The following ITPR2 variants were observed in gnomAD, a reference collection of about 807,000 sequenced individuals.
ITPR2 encodes the protein inositol 1,4,5-trisphosphate receptor type 2.
ITPR2 carries 207 observed loss-of-function variants against 317.1 expected under a neutral mutation model. The observed-to-expected ratio is 0.65, with a 90% CI of 0.58 to 0.73. ITPR2 has a LOEUF of 0.73. Among genes scored for constraint, ITPR2 ranks in the 30% least tolerant of loss-of-function variants. The pLI is 0.00. For synonymous variants in ITPR2, 1,156 were observed against 1,149.1 expected (o/e 1.01, Z -0.12); for missense variants, 2,613 against 3,284.0 (o/e 0.80, Z 4.99).
intron 55 of ITPR2, among the ~76,000 whole-genome samples, chr12:26,343,266 T>C (rs1938195865): frequency 6.6e-6 from 1 of 152,228 alleles, no homozygotes; most frequent in Non-Finnish European, 1.5e-5. Context: ...CAAAGTCTGT[T>C]GGCAAGACAG....
chr12:26,679,014 A>G (rs920207937), intron 13 of ITPR2, among the ~76,000 whole-genome samples: 1 of 152,260 alleles, frequency 6.6e-6, no homozygotes, highest in East Asian at 1.9e-4. Flanking sequence ...TTAGAAACAA[A>G]GAAATAGATT....
At chr12:26,605,094 AAAAAAAATAAAAATAAAAAAT>A (rs1303264984) in intron 26 of ITPR2, among the ~76,000 whole-genome samples, 2 of 108,598 alleles carry the variant, frequency 1.8e-5, no homozygotes, top group South Asian at 2.8e-4. Context: ...TCTCAAAAAA[AAAAAAAATAAAAATAAAAAAT>A]AAAAAATAAA....
chr12:26,786,329 G>T (rs1379324788), intron 2 of ITPR2, among the ~76,000 whole-genome samples: 3 of 124,630 alleles, frequency 2.4e-5, no homozygotes, highest in African/African-American at 9.3e-5. Context: ...AGGCCGCAGG[G>T]TCCTCTGCCT....
At chr12:26,497,239 C>G (rs1043873262) in intron 37 of ITPR2, among the ~76,000 whole-genome samples, 1 of 150,648 alleles carries the variant, frequency 6.6e-6, no homozygotes, top group Non-Finnish European at 1.5e-5. Flanking sequence ...CTGCAAGCTC[C>G]GCCTCCTGGG....
intron 1 of ITPR2, among the ~76,000 whole-genome samples, chr12:26,814,246 G>C (rs1166805642): frequency 6.6e-6 from 1 of 152,116 alleles, no homozygotes; most frequent in South Asian, 2.1e-4. Flanking sequence ...AGGAACCCAG[G>C]AGATTATGCC....
At chr12:26,731,073 T>C (rs920593022) in intron 2 of ITPR2, among the ~76,000 whole-genome samples, 24 of 152,144 alleles carry the variant, frequency 1.6e-4, no homozygotes, top group Non-Finnish European at 3.5e-4. Context: ...GGCTATCATA[T>C]GTAAAGTTCA....
chr12:26,490,440 G>A (rs1473084575), intron 39 of ITPR2, among the ~76,000 whole-genome samples: 1 of 152,204 alleles, frequency 6.6e-6, no homozygotes, highest in Non-Finnish European at 1.5e-5. Flanking sequence ...GTACAAAGAT[G>A]AATAAAACGT....
rs184150846 is a variant in ITPR2 at position 26,377,461 on chromosome 12, T to A, written c.7857+9973A>T. The stretch of plus-strand genomic sequence containing the variant: ...TCCTGCATTTTCAAGGCATTTTAGA[T>A]CACACCTCCACGAATGCAGCTTAGA... On this transcript the variant is annotated intron_variant, in intron 55 of 56. Coordinates refer to ENST00000381340, the MANE Select transcript of ITPR2 (RefSeq NM_002223.4). Among the ~76,000 whole-genome samples the A allele has an allele frequency of 1.2e-4, 18 of 152,322 alleles. No homozygotes were observed. The East Asian group carries it at 2.1e-3, about 18-fold the overall frequency.
intron 32 of ITPR2, among the ~76,000 whole-genome samples, chr12:26,595,050 G>A (rs1195363757): frequency 6.6e-6 from 1 of 152,166 alleles, no homozygotes; most frequent in Non-Finnish European, 1.5e-5. Flanking sequence ...TCAGTCGGCT[G>A]GTCAAGTACC....
At chr12:26,700,597 G>A (rs1298307208) in intron 9 of ITPR2, among the ~76,000 whole-genome samples, 6 of 152,140 alleles carry the variant, frequency 3.9e-5, no homozygotes, top group Admixed American at 6.5e-5. Flanking sequence ...CCTGTAGCAC[G>A]CTGCTTCCCT....
At chr12:26,445,327 G>A (rs1418779635) in intron 45 of ITPR2, among the ~76,000 whole-genome samples, 1 of 152,142 alleles carries the variant, frequency 6.6e-6, no homozygotes, top group Non-Finnish European at 1.5e-5. Context: ...GGAATTCTGG[G>A]CAGAGGTCAG....
intron 17 of ITPR2, 35 bp downstream of exon 17, chr12:26,657,976 A>G: frequency 6.2e-7 from 1 of 1,602,102 alleles, no homozygotes. Context: ...ACAAATAATC[A>G]ACAGGAAAAT....
At chr12:26,567,980 AT>A (rs1945032260) in intron 34 of ITPR2, among the ~76,000 whole-genome samples, 2 of 7,596 alleles carry the variant, frequency 2.6e-4, no homozygotes, top group African/African-American at 5.8e-4. Flanking sequence ...TATATATATT[AT>A]ATATATATAT....
intron 54 of ITPR2, among the ~76,000 whole-genome samples, chr12:26,393,511 AG>A (rs1939908884): frequency 6.6e-6 from 1 of 152,230 alleles, no homozygotes; most frequent in Non-Finnish European, 1.5e-5. Flanking sequence ...TCTGTTACTG[AG>A]GTTACAGAAA....
chr12:26,630,221 T>C (rs1222607993), intron 22 of ITPR2, among the ~76,000 whole-genome samples: 1 of 152,104 alleles, frequency 6.6e-6, no homozygotes, highest in Non-Finnish European at 1.5e-5. Flanking sequence ...GTTGACAATG[T>C]TTACATGCAG....
chr12:26,502,013 T>G (rs892989972), intron 37 of ITPR2, among the ~76,000 whole-genome samples: 2 of 152,180 alleles, frequency 1.3e-5, no homozygotes, highest in East Asian at 1.9e-4. Context: ...CACTCTGAGT[T>G]TATCAAATAT....
At chr12:26,474,223 G>A (rs954973109) in intron 45 of ITPR2, among the ~76,000 whole-genome samples, 2 of 152,148 alleles carry the variant, frequency 1.3e-5, no homozygotes, top group East Asian at 1.9e-4. Context: ...CTGATAAAAC[G>A]TACAGGGAAA....
intron 55 of ITPR2, among the ~76,000 whole-genome samples, chr12:26,351,991 G>C (rs1938496680): frequency 6.6e-6 from 1 of 152,190 alleles, no homozygotes; most frequent in South Asian, 2.1e-4. Context: ...AAAACATTTG[G>C]AATAGGGTAT....
chr12:26,593,737 G>GT (rs869253983), intron 32 of ITPR2, among the ~76,000 whole-genome samples: 285 of 14,318 alleles, frequency 0.02, 3 homozygotes, highest in Admixed American at 0.068. Flanking sequence ...CTATTTTTTT[G>GT]TTTTTTTTTT....
Sources: gnomAD v4.1 joint callset for allele counts (sites outside exome capture counted in the v4.1 genomes callset) on GRCh38, gnomAD v4.1.1 for gene constraint, MANE v1.5 for transcripts, NCBI Gene and HGNC (gene_info 2026-07-23, HGNC 2026-07-21) for gene names.